ARHGAP6: variants seen among roughly 807,000 people sequenced by gnomAD.
ARHGAP6 encodes Rho GTPase activating protein 6.
A neutral mutation model predicts 55.7 loss-of-function variants in ARHGAP6; 16 were observed. The observed-to-expected ratio is 0.29, with a 90% confidence interval of 0.19 to 0.44. The LOEUF is 0.44. Among genes scored for constraint, ARHGAP6 ranks in the 20% least tolerant of loss-of-function variants. The pLI is 1.00. For missense variants in ARHGAP6, 698 were observed against 808.9 expected (o/e 0.86, Z 1.66); for synonymous variants, 382 against 360.9 (o/e 1.06, Z -0.66).
intron 1 of ARHGAP6, among the ~76,000 whole-genome samples, chrX:11,452,332 G>C (rs1166539455): frequency 2.7e-5 from 3 of 110,922 alleles, no homozygotes; most frequent in African/African-American, 9.9e-5. Flanking sequence ...ATTTTTAGTA[G>C]AGACGGGGTT....
intron 1 of ARHGAP6, among the ~76,000 whole-genome samples, chrX:11,379,581 A>G (rs2049239950): frequency 2.7e-5 from 3 of 112,438 alleles, no homozygotes. Context: ...TTAACAAACA[A>G]AATCCTTTAA....
intron 1 of ARHGAP6, chrX:11,296,633 T>C (rs977526404): frequency 5.8e-5 from 37 of 642,540 alleles, no homozygotes; most frequent in Non-Finnish European, 8.6e-5. Context: ...AAGTATATTC[T>C]GCACTATATA....
intron 1 of ARHGAP6, among the ~76,000 whole-genome samples, chrX:11,271,331 G>A (rs946759706): frequency 9.9e-5 from 11 of 111,664 alleles, no homozygotes; most frequent in East Asian, 2.8e-4. Flanking sequence ...GAAGAATATC[G>A]TATTTAGGAG....
chrX:11,401,972 T>A (rs1415179419), intron 1 of ARHGAP6, among the ~76,000 whole-genome samples: 1 of 112,236 alleles, frequency 8.9e-6, no homozygotes, highest in East Asian at 2.8e-4. Context: ...TGTTATTATT[T>A]AGTCAGACTT....
intron 1 of ARHGAP6, among the ~76,000 whole-genome samples, chrX:11,442,078 A>C (rs1453201323): frequency 8.9e-6 from 1 of 111,933 alleles, no homozygotes; most frequent in East Asian, 2.8e-4. Context: ...TTGAATATCT[A>C]GCTTTACAGT....
chrX:11,205,848 C>G (rs2046697441), intron 2 of ARHGAP6, among the ~76,000 whole-genome samples: 1 of 112,094 alleles, frequency 8.9e-6, no homozygotes, highest in African/African-American at 3.2e-5. Context: ...ACCCTGACCA[C>G]TACTACCATC....
intron 2 of ARHGAP6, among the ~76,000 whole-genome samples, chrX:11,251,944 T>C (rs753327391): frequency 1.5e-4 from 17 of 112,294 alleles, no homozygotes; most frequent in Admixed American, 2.8e-4. Context: ...CTCTCCTCTA[T>C]AAATGAGAAA....
chrX:11,174,622 C>T (rs1462591421), intron 8 of ARHGAP6, among the ~76,000 whole-genome samples: 2 of 50,768 alleles, frequency 3.9e-5, no homozygotes, highest in East Asian at 5.3e-4. Context: ...CTTTCTCTTT[C>T]TTTTCTTTCT....
At chrX:11,263,909 G>A (rs1373834461) in intron 1 of ARHGAP6, among the ~76,000 whole-genome samples, 3 of 111,697 alleles carry the variant, frequency 2.7e-5, no homozygotes, top group Non-Finnish European at 5.6e-5. Context: ...GGGGAGCCAA[G>A]TACTGCCTAC....
At chrX:11,401,492 C>T in intron 1 of ARHGAP6, among the ~76,000 whole-genome samples, 1 of 111,521 alleles carries the variant, frequency 9.0e-6, no homozygotes, top group Middle Eastern at 4.6e-3. Context: ...TATTTAGTAG[C>T]ATCTCTGACC....
intron 1 of ARHGAP6, among the ~76,000 whole-genome samples, chrX:11,661,140 A>T (rs2052698858): frequency 8.9e-6 from 1 of 112,656 alleles, no homozygotes; most frequent in South Asian, 3.7e-4. Context: ...TTAGCTATGG[A>T]CATAATCCCA....
chrX:11,300,730 C>G (rs979532008), intron 1 of ARHGAP6: 10 of 661,811 alleles, frequency 1.5e-5, no homozygotes, highest in Admixed American at 1.3e-4. Context: ...AAAAAAGTAC[C>G]ATTAGCAGAC....
intron 8 of ARHGAP6, among the ~76,000 whole-genome samples, chrX:11,173,046 G>C (rs1299407609): frequency 8.9e-6 from 1 of 111,997 alleles, no homozygotes; most frequent in Non-Finnish European, 1.9e-5. Flanking sequence ...TGCTGCTGTT[G>C]TCCCTATTTT....
rs781374393 is a variant in ARHGAP6 at position 11,320,845 on chromosome X, C to T, written c.589-66138G>A. On this transcript the variant is annotated intron_variant, in intron 1 of 12. Transcript: ENST00000337414. ...ATATACACACACACACATATATAAACGCAAACACATATATGTGTATATATA... is the reference window on the plus strand; with the variant it reads ...ATATACACACACACACATATATAAATGCAAACACATATATGTGTATATATA... Among the ~76,000 whole-genome samples, 10 of 107,795 alleles carry T rather than the reference C, an allele frequency of 9.3e-5. No individual in the cohort carries two copies. The East Asian group carries it at 1.2e-3, about 13-fold the overall frequency. The allele number at this position is 107,795 out of a possible 115,157, so 93.6% of individuals were successfully genotyped here.
intron 2 of ARHGAP6, among the ~76,000 whole-genome samples, chrX:11,198,673 A>G (rs2046577204): frequency 8.9e-6 from 1 of 112,688 alleles, no homozygotes; most frequent in South Asian, 3.6e-4. Context: ...CAAGTTGCCA[A>G]AAGTCAGAAT....
chrX:11,182,159 C>T (rs2046322762), intron 5 of ARHGAP6, 41 bp from the exon 6 acceptor site: 1 of 1,115,866 alleles, frequency 9.0e-7, no homozygotes. Context: ...TGTTTCATGG[C>T]TTGAGACCCT....
intron 1 of ARHGAP6, among the ~76,000 whole-genome samples, chrX:11,358,429 G>GTTTCTTTC (rs1569313348): frequency 9.5e-4 from 81 of 85,472 alleles, no homozygotes; most frequent in South Asian, 1.9e-3. Flanking sequence ...CGTTTTAACT[G>GTTTCTTTC]TATCTTTCTT....
At chrX:11,361,044 G>A (rs1451823848) in intron 1 of ARHGAP6, among the ~76,000 whole-genome samples, 1 of 110,820 alleles carries the variant, frequency 9.0e-6, no homozygotes, top group Non-Finnish European at 1.9e-5. Flanking sequence ...CTCATGGGTA[G>A]GAAGAATCAA....
At chrX:11,427,674 C>T (rs1026525581) in intron 1 of ARHGAP6, 89 of 834,758 alleles carry the variant, frequency 1.1e-4, no homozygotes, top group Non-Finnish European at 1.3e-4. Flanking sequence ...CACTTCACTG[C>T]CATCCTGGGG....
Sources: allele counts gnomAD v4.1 joint callset (sites outside exome capture counted in the v4.1 genomes callset), GRCh38; gene constraint gnomAD v4.1.1; transcripts MANE v1.5; gene names NCBI Gene and HGNC (gene_info 2026-07-23, HGNC 2026-07-21).